Variants in SNTG1 observed in about 807,000 individuals in gnomAD.
The protein encoded by SNTG1 is gamma-1-syntrophin.
In SNTG1, 39 loss-of-function variants were observed where a neutral mutation model predicts 74.7. That is an observed-to-expected ratio of 0.52 (90% CI 0.40 to 0.68). SNTG1 has a LOEUF of 0.68. SNTG1 is among the 30% of genes least tolerant of loss of function. SNTG1 has a pLI of 0.00. For synonymous variants in SNTG1, 254 were observed against 217.1 expected (o/e 1.17, Z -1.49); for missense variants, 685 against 609.5 (o/e 1.12, Z -1.30).
intron 18 of SNTG1, among the ~76,000 whole-genome samples, chr8:50,775,336 T>C (rs1305774145): frequency 6.6e-6 from 1 of 151,658 alleles, no homozygotes; most frequent in Admixed American, 6.6e-5. Context: ...GATCCTGTTC[T>C]ATTTTTATTG....
At chr8:50,450,859 A>G (rs1191916971) in intron 8 of SNTG1, 130 bp downstream of exon 8, 17 of 883,018 alleles carry the variant, frequency 1.9e-5, no homozygotes, top group Non-Finnish European at 2.9e-5. Flanking sequence ...AAATTTTCAA[A>G]TGTTCTCTTA....
intron 11 of SNTG1, among the ~76,000 whole-genome samples, chr8:50,544,172 G>T (rs1170923427): frequency 6.6e-6 from 1 of 151,670 alleles, no homozygotes; most frequent in East Asian, 1.9e-4. Context: ...ATATATTCGT[G>T]TTTTTGTTAT....
intron 18 of SNTG1, among the ~76,000 whole-genome samples, chr8:50,767,269 A>G (rs2095616062): frequency 6.6e-6 from 1 of 151,992 alleles, no homozygotes; most frequent in Non-Finnish European, 1.5e-5. Flanking sequence ...CACCATATGT[A>G]TTACAACATT....
At chr8:50,667,850 T>G (rs34871864) in intron 15 of SNTG1, among the ~76,000 whole-genome samples, 51,653 of 151,926 alleles carry the variant, frequency 0.34, 11,106 homozygotes, top group African/African-American at 0.61. Flanking sequence ...TAACACTTTA[T>G]AATTAAATTA....
chr8:50,448,921 G>A (rs565234746), intron 5 of SNTG1, among the ~76,000 whole-genome samples: 45 of 152,138 alleles, frequency 3.0e-4, no homozygotes, highest in African/African-American at 8.4e-4. Context: ...CCAGCTACTC[G>A]GGAGGCTGAG....
intron 8 of SNTG1, among the ~76,000 whole-genome samples, chr8:50,466,486 AC>A (rs1366124699): frequency 3.3e-5 from 5 of 151,930 alleles, no homozygotes; most frequent in Admixed American, 3.3e-4. Context: ...GAGCCCTTTA[AC>A]TTTTTCTTTC....
intron 2 of SNTG1, among the ~76,000 whole-genome samples, chr8:50,391,243 C>A (rs966539075): frequency 6.6e-6 from 1 of 152,064 alleles, no homozygotes; most frequent in Non-Finnish European, 1.5e-5. Context: ...GAGATATGTC[C>A]CATCGATACC....
intron 1 of SNTG1, among the ~76,000 whole-genome samples, chr8:50,046,987 T>C (rs572293954): frequency 4.6e-5 from 7 of 152,340 alleles, no homozygotes; most frequent in Non-Finnish European, 8.8e-5. Context: ...GTTAGTTTCT[T>C]TGAGTTTTCT....
At chr8:50,312,513 T>C (rs2090153442) in intron 2 of SNTG1, among the ~76,000 whole-genome samples, 1 of 139,332 alleles carries the variant, frequency 7.2e-6, no homozygotes. Flanking sequence ...GCAGTAGCTG[T>C]AAGCTGGCAC....
intron 1 of SNTG1, among the ~76,000 whole-genome samples, chr8:49,970,659 C>A (rs191129847): frequency 6.6e-6 from 1 of 152,198 alleles, no homozygotes; most frequent in East Asian, 1.9e-4. Flanking sequence ...AAGGTTATAA[C>A]TTACGTAGCT....
intron 2 of SNTG1, among the ~76,000 whole-genome samples, chr8:50,255,457 G>A (rs1901055): frequency 0.57 from 85,962 of 152,046 alleles, 28,007 homozygotes; most frequent in East Asian, 0.83. Flanking sequence ...GTGGCTTAAG[G>A]ACACAGAAAT....
At chr8:50,508,915 T>C (rs2094036727) in intron 9 of SNTG1, among the ~76,000 whole-genome samples, 1 of 152,226 alleles carries the variant, frequency 6.6e-6, no homozygotes, top group African/African-American at 2.4e-5. Flanking sequence ...GCAGAAGCTC[T>C]TTAGTTTAAT....
chr8:50,585,818 G>T (rs1437321202), intron 12 of SNTG1, among the ~76,000 whole-genome samples: 2 of 151,790 alleles, frequency 1.3e-5, no homozygotes, highest in African/African-American at 4.8e-5. Flanking sequence ...ATTTTAATTT[G>T]CTTTATTGAT....
At chr8:50,219,511 T>C (rs1013472153) in intron 2 of SNTG1, among the ~76,000 whole-genome samples, 2 of 152,162 alleles carry the variant, frequency 1.3e-5, no homozygotes, top group Admixed American at 1.3e-4. Context: ...GGCTCATGGT[T>C]CCACAGGTTG....
chr8:50,685,745 G>A (rs1245669997), intron 15 of SNTG1, among the ~76,000 whole-genome samples: 1 of 152,130 alleles, frequency 6.6e-6, no homozygotes, highest in Non-Finnish European at 1.5e-5. Context: ...AGACACTTTT[G>A]TGGGCACACA....
Position 50,303,692 on chromosome 8 carries a change from T to C in SNTG1, c.-27-90520T>C, listed in dbSNP as rs2089752842. Among the ~76,000 whole-genome samples the C allele has an allele frequency of 2.6e-5, 4 of 152,150 alleles. No homozygotes were observed. The South Asian group carries it at 8.3e-4, about 32-fold the overall frequency. On this transcript the variant is annotated intron_variant, in intron 2 of 18. Coordinates refer to ENST00000642720, the MANE Select transcript of SNTG1 (RefSeq NM_018967.5). The stretch of plus-strand genomic sequence containing the variant: ...GGTCTTTTGTTTTTATTATTAAATA[T>C]ATAATTTTTAAAAAACGATTTGTAT...
intron 2 of SNTG1, among the ~76,000 whole-genome samples, chr8:50,366,070 G>T (rs1372676791): frequency 1.3e-5 from 2 of 152,114 alleles, no homozygotes; most frequent in East Asian, 1.9e-4. Flanking sequence ...GAGGAATATA[G>T]AACTTTTATC....
intron 15 of SNTG1, among the ~76,000 whole-genome samples, chr8:50,680,297 A>C (rs1365617085): frequency 6.6e-6 from 1 of 152,162 alleles, no homozygotes; most frequent in Admixed American, 6.6e-5. Context: ...ATAGTATTAT[A>C]TAGTATTATC....
chr8:50,211,945 AAAAT>A (rs1448991407), intron 2 of SNTG1, among the ~76,000 whole-genome samples: 1 of 152,144 alleles, frequency 6.6e-6, no homozygotes, highest in African/African-American at 2.4e-5. Flanking sequence ...GGAGAAATAG[AAAAT>A]AAATAAAATA....
Sources: gnomAD v4.1 joint callset for allele counts (sites outside exome capture counted in the v4.1 genomes callset) on GRCh38, gnomAD v4.1.1 for gene constraint, MANE v1.5 for transcripts, NCBI Gene and HGNC (gene_info 2026-07-23, HGNC 2026-07-21) for gene names.